ZFAND3: variants seen among roughly 807,000 people sequenced by gnomAD.
ZFAND3 encodes the protein AN1-type zinc finger protein 3.
Under a neutral mutation model 29.6 loss-of-function variants are expected in ZFAND3, and 10 were observed. That is an observed-to-expected ratio of 0.34 (90% CI 0.21 to 0.57). The LOEUF (loss-of-function observed/expected upper bound fraction) is 0.57, where lower values mean the gene tolerates loss of function less well. Ranked by LOEUF, ZFAND3 falls within the 20% of genes least tolerant of loss-of-function variation. The pLI is 0.86. For synonymous variants in ZFAND3, 128 were observed against 112.6 expected, an observed-to-expected ratio of 1.14 and a Z score of -0.87; for missense variants, 230 against 304.5, an observed-to-expected ratio of 0.76 and a Z score of 1.82.
At chr6:37,929,547 C>T (rs1054727522) in intron 1 of ZFAND3, among the ~76,000 whole-genome samples, 2 of 152,086 alleles carry the variant, frequency 1.3e-5, no homozygotes, top group African/African-American at 2.4e-5. Flanking sequence ...TACCCATTTA[C>T]GAAGTATTTG....
At chr6:37,981,189 G>A (rs1762574422) in intron 2 of ZFAND3, among the ~76,000 whole-genome samples, 1 of 152,212 alleles carries the variant, frequency 6.6e-6, no homozygotes, top group Non-Finnish European at 1.5e-5. Flanking sequence ...TGTATAGGTA[G>A]AACAATTTTG....
chr6:38,082,352 G>A, intron 3 of ZFAND3, 40 bp from the exon 4 acceptor site: 1 of 1,579,738 alleles, frequency 6.3e-7, no homozygotes, highest in Non-Finnish European at 8.6e-7. Flanking sequence ...GGCATGTAAA[G>A]GATGTGTCCT....
At chr6:37,975,030 A>AGG (rs1762456008) in intron 2 of ZFAND3, among the ~76,000 whole-genome samples, 1 of 152,202 alleles carries the variant, frequency 6.6e-6, no homozygotes, top group Non-Finnish European at 1.5e-5. Context: ...ATCATATCAT[A>AGG]GGTTGTATGT....
At chr6:38,089,820 C>T (rs189344941) in intron 4 of ZFAND3, among the ~76,000 whole-genome samples, 22 of 152,200 alleles carry the variant, frequency 1.4e-4, no homozygotes, top group Admixed American at 9.8e-4. Flanking sequence ...TTGGCTCTTC[C>T]AAGGAGGACT....
At chr6:38,080,620 T>C (rs1385534098) in intron 3 of ZFAND3, among the ~76,000 whole-genome samples, 1 of 152,178 alleles carries the variant, frequency 6.6e-6, no homozygotes, top group Non-Finnish European at 1.5e-5. Context: ...CCAAGATTAC[T>C]CAGCAAGTAG....
intron 4 of ZFAND3, among the ~76,000 whole-genome samples, chr6:38,115,509 CAG>C (rs1374917190): frequency 6.6e-6 from 1 of 152,090 alleles, no homozygotes; most frequent in Non-Finnish European, 1.5e-5. Context: ...AGGGGATGAG[CAG>C]AGAGACCAGT....
rs144484703 is a variant in ZFAND3, at chr6:37,881,921, T to C, written c.72-48038T>C. 7.2e-5 allele frequency among the ~76,000 whole-genome samples: 11 copies of C among 152,294 alleles called. No homozygotes were observed. In the East Asian group the frequency reaches 1.2e-3, roughly 16 times the overall value. ...TACAACGAATTCAAAAACATTCCTG[T>C]ATAATCACATGAAGACTATAGGTCA... On this transcript the variant is annotated intron_variant, in intron 1 of 5. Coordinates refer to ENST00000287218, the MANE Select transcript of ZFAND3 (RefSeq NM_021943.3).
At chr6:37,981,317 C>T (rs541057018) in intron 2 of ZFAND3, among the ~76,000 whole-genome samples, 2 of 152,292 alleles carry the variant, frequency 1.3e-5, no homozygotes, top group Non-Finnish European at 2.9e-5. Context: ...AATCACAGTA[C>T]GACCTTGTTC....
chr6:37,887,045 A>G (rs1344335420), intron 1 of ZFAND3, among the ~76,000 whole-genome samples: 1 of 147,384 alleles, frequency 6.8e-6, no homozygotes, highest in Admixed American at 6.6e-5. Context: ...ATCATTGTAT[A>G]TCATACTCCT....
intron 1 of ZFAND3, among the ~76,000 whole-genome samples, chr6:37,862,150 TA>T (rs1561914363): frequency 6.6e-6 from 1 of 152,168 alleles, no homozygotes; most frequent in African/African-American, 2.4e-5. Context: ...TTTTTAATGT[TA>T]AAAAATTTAA....
intron 3 of ZFAND3, among the ~76,000 whole-genome samples, chr6:38,063,684 C>A (rs12194872): frequency 0.27 from 41,016 of 151,942 alleles, 6,709 homozygotes; most frequent in Admixed American, 0.4. Context: ...TGTCTTAGGG[C>A]CATTTGTGGA....
intron 4 of ZFAND3, among the ~76,000 whole-genome samples, chr6:38,112,609 G>A (rs1298192048): frequency 2.0e-5 from 3 of 152,198 alleles, no homozygotes; most frequent in Non-Finnish European, 4.4e-5. Context: ...AATCATTACA[G>A]GTTAATTTAT....
intron 1 of ZFAND3, among the ~76,000 whole-genome samples, chr6:37,843,169 A>T (rs1041101278): frequency 4.7e-5 from 7 of 149,324 alleles, no homozygotes; most frequent in Non-Finnish European, 5.9e-5. Flanking sequence ...CTGTGCCTTG[A>T]CTATTCAGGT....
rs1554183999 is a variant in ZFAND3, at chr6:38,144,220, T to TATATAA, written c.530-8010_530-8009insAATATA. 6.7e-5 allele frequency among the ~76,000 whole-genome samples: 5 copies of TATATAA among 74,914 alleles called. 1 individual carries two copies. The East Asian group carries it at 8.7e-4, about 13-fold the overall frequency. 49.1% of individuals were successfully genotyped at this position (74,914 alleles called of 152,430 possible). A position where few individuals can be genotyped will look rare whatever the true frequency, so the allele number is the denominator to read the frequency against. On this transcript the variant is annotated intron_variant, in intron 5 of 5. Coordinates refer to ENST00000287218, the MANE Select transcript of ZFAND3 (RefSeq NM_021943.3). ...ATATATATATATATATAATATATAA[T>TATATAA]ATATATATATATTTTTTTTTTAATA...
intron 2 of ZFAND3, among the ~76,000 whole-genome samples, chr6:38,018,816 T>C (rs1314517604): frequency 6.6e-6 from 1 of 152,210 alleles, no homozygotes; most frequent in Non-Finnish European, 1.5e-5. Context: ...TGATGTAGAA[T>C]TGATGGGTCA....
chr6:37,896,558 C>CT (rs779791163), intron 1 of ZFAND3, among the ~76,000 whole-genome samples: 1 of 138,428 alleles, frequency 7.2e-6, no homozygotes, highest in Middle Eastern at 3.5e-3. Flanking sequence ...TTCTTTCTTT[C>CT]TTTCTTTCTT....
At chr6:37,917,204 C>A (rs529193447) in intron 1 of ZFAND3, among the ~76,000 whole-genome samples, 2 of 152,182 alleles carry the variant, frequency 1.3e-5, no homozygotes, top group East Asian at 1.9e-4. Context: ...GAAATGTATC[C>A]CTCAAGGATA....
At position 37,894,468 on chromosome 6, in the gene ZFAND3, C is replaced by G. The variant is rs1297980983; in HGVS notation, c.72-35491C>G. Among the ~76,000 whole-genome samples, 5 of 151,826 alleles carry G rather than the reference C, an allele frequency of 3.3e-5. No homozygotes were observed. In the East Asian group the frequency reaches 9.7e-4, roughly 29 times the overall value. On this transcript the variant is annotated intron_variant, in intron 1 of 5. Transcript: ENST00000287218. Reference sequence around the variant, plus strand: ...ATTGTAAACCTGGAACTCCTGGTCTCCAGTGATCTTCCCACCTCAACCTCC... The same window carrying G: ...ATTGTAAACCTGGAACTCCTGGTCTGCAGTGATCTTCCCACCTCAACCTCC...
rs538458667 is a variant in ZFAND3 at position 37,891,424 on chromosome 6, C to A, written c.72-38535C>A. Among the ~76,000 whole-genome samples, 59 of 143,928 alleles carry A rather than the reference C, an allele frequency of 4.1e-4. 4 individuals carry two copies. Among genetic ancestry groups the A allele is most frequent in the South Asian group, 2.6e-3 (11 of 4,306 alleles). The allele number at this position is 143,928 out of a possible 152,430, so 94.4% of individuals were successfully genotyped here. On this transcript the variant is annotated intron_variant, in intron 1 of 5. Coordinates refer to ENST00000287218, the MANE Select transcript of ZFAND3 (RefSeq NM_021943.3). ...ATAGTTGGAGATTTCAGTCCCCCCC[C>A]CCGCCTTTAAAATACAAAAATTAGC... is the stretch of plus-strand genomic sequence containing the variant.
Sources: allele counts gnomAD v4.1 joint callset (sites outside exome capture counted in the v4.1 genomes callset), GRCh38; gene constraint gnomAD v4.1.1; transcripts MANE v1.5; gene names NCBI Gene and HGNC (gene_info 2026-07-23, HGNC 2026-07-21).